Variants in EXOC6B observed in about 807,000 individuals in gnomAD.
The protein encoded by EXOC6B is exocyst complex component 6B.
A neutral mutation model predicts 113.5 loss-of-function variants in EXOC6B; 54 were observed. That is an observed-to-expected ratio of 0.48 (90% CI 0.38 to 0.60). The LOEUF (loss-of-function observed/expected upper bound fraction) is 0.60, where lower values mean the gene tolerates loss of function less well. Among genes scored for constraint, EXOC6B ranks in the 20% least tolerant of loss-of-function variants. The pLI is 0.00. For synonymous variants in EXOC6B, 357 were observed against 339.0 expected (o/e 1.05, Z -0.58); for missense variants, 797 against 977.5 (o/e 0.82, Z 2.46).
chr2:72,510,023 G>A (rs898173962), intron 11 of EXOC6B, among the ~76,000 whole-genome samples: 29 of 152,060 alleles, frequency 1.9e-4, no homozygotes, highest in Non-Finnish European at 4.0e-4. Context: ...TAGTAGAGAC[G>A]GGGTTTCACC....
rs1391543278 is a variant in EXOC6B at position 72,576,443 on chromosome 2, C to T, written c.670-775G>A. On this transcript the variant is annotated intron_variant, in intron 6 of 21. Transcript: ENST00000272427. Reference sequence around the variant, plus strand: ...TCAACAACAGAAGCATTAAACCACACATTATTAGAGCTAGAAGGTACCTTA... The same window carrying T: ...TCAACAACAGAAGCATTAAACCACATATTATTAGAGCTAGAAGGTACCTTA... 2.0e-5 allele frequency among the ~76,000 whole-genome samples: 3 copies of T among 152,154 alleles called. No homozygotes were observed. The East Asian group carries it at 5.8e-4, about 29-fold the overall frequency.
At chr2:72,605,568 T>G (rs958372988) in intron 6 of EXOC6B, among the ~76,000 whole-genome samples, 3 of 152,224 alleles carry the variant, frequency 2.0e-5, no homozygotes, top group African/African-American at 7.2e-5. Flanking sequence ...GCATTTTAAG[T>G]TCACAAAATC....
rs1214625126 is a variant in EXOC6B, at chr2:72,340,044, C to T, written c.2123-5024G>A. Among the ~76,000 whole-genome samples, 3 of 152,124 alleles carry T rather than the reference C, an allele frequency of 2.0e-5. No homozygotes were observed. In the East Asian group the frequency reaches 5.8e-4, roughly 29 times the overall value. On this transcript the variant is annotated intron_variant, in intron 19 of 21. Transcript: ENST00000272427. ...GAAGGATGCCACCCATTTCAAAGTG[C>T]TTTCTAGACTTCTTGAAGGCTGATC...
intron 20 of EXOC6B, among the ~76,000 whole-genome samples, chr2:72,307,193 G>C (rs1381957966): frequency 2.0e-5 from 2 of 101,680 alleles, no homozygotes; most frequent in African/African-American, 2.4e-4. Context: ...GTCTTGCTCT[G>C]TCGCCAGGCT....
At chr2:72,234,319 G>A (rs1028624517) in intron 20 of EXOC6B, among the ~76,000 whole-genome samples, 1 of 151,916 alleles carries the variant, frequency 6.6e-6, no homozygotes, top group Non-Finnish European at 1.5e-5. Flanking sequence ...TCCTGACCTC[G>A]TGATCCACCT....
intron 20 of EXOC6B, among the ~76,000 whole-genome samples, chr2:72,315,750 G>C (rs1473331614): frequency 6.6e-6 from 1 of 152,126 alleles, no homozygotes; most frequent in Non-Finnish European, 1.5e-5. Context: ...GCCATTAATT[G>C]AGATGAAGAG....
intron 20 of EXOC6B, among the ~76,000 whole-genome samples, chr2:72,195,289 T>C (rs898758481): frequency 1.3e-5 from 2 of 152,196 alleles, no homozygotes; most frequent in African/African-American, 2.4e-5. Context: ...TTCTCACTGA[T>C]GACAGCATCT....
chr2:72,573,523 C>G (rs540720279), intron 7 of EXOC6B, among the ~76,000 whole-genome samples: 6 of 152,296 alleles, frequency 3.9e-5, no homozygotes, highest in African/African-American at 1.4e-4. Flanking sequence ...GAAGTCCCCT[C>G]TATCTCTTTC....
intron 1 of EXOC6B, among the ~76,000 whole-genome samples, chr2:72,798,193 C>G (rs181736559): frequency 1.3e-5 from 2 of 152,106 alleles, no homozygotes; most frequent in East Asian, 3.9e-4. Flanking sequence ...AAAAGTAAAT[C>G]TGGCCATTTT....
intron 13 of EXOC6B, among the ~76,000 whole-genome samples, chr2:72,497,921 A>G (rs1048729877): frequency 4.6e-5 from 7 of 152,328 alleles, no homozygotes; most frequent in Middle Eastern, 3.4e-3. Flanking sequence ...TATTGTATGC[A>G]TGTTGCAATA....
At chr2:72,619,497 T>A (rs761057219) in intron 6 of EXOC6B, among the ~76,000 whole-genome samples, 1 of 152,038 alleles carries the variant, frequency 6.6e-6, no homozygotes, top group Non-Finnish European at 1.5e-5. Context: ...AAGTGTATTT[T>A]AAAAAGAATG....
At chr2:72,468,998 C>T (rs1482311855) in intron 17 of EXOC6B, among the ~76,000 whole-genome samples, 1 of 152,088 alleles carries the variant, frequency 6.6e-6, no homozygotes, top group Non-Finnish European at 1.5e-5. Flanking sequence ...AGTACACTGC[C>T]TCTGTACATA....
At position 72,335,004 on chromosome 2, in the gene EXOC6B, GC is replaced by G. The variant is rs1558567588; in HGVS notation, c.2138del (p.Gly713AlafsTer18). The part of the protein sequence containing the change: ...VRECEQFARS[G>X]PVPGFQEDTL... ...TGTCCTCCTGGAACCCAGGCACCGG[GC>G]CGGATCTGGCAAACTCTGTGGGAAA... On this transcript the variant is annotated frameshift_variant, in exon 20 of 22. Coordinates refer to ENST00000272427, the MANE Select transcript of EXOC6B (RefSeq NM_015189.3). LOFTEE classifies it high-confidence loss of function. 1 of 1,613,318 alleles carries G rather than the reference GC, an allele frequency of 6.2e-7. No individual in the cohort carries two copies. Among genetic ancestry groups the G allele is most frequent in the East Asian group, 2.2e-5 (1 of 44,850 alleles).
intron 6 of EXOC6B, among the ~76,000 whole-genome samples, chr2:72,700,106 T>C (rs1403809448): frequency 6.6e-6 from 1 of 152,202 alleles, no homozygotes; most frequent in Non-Finnish European, 1.5e-5. Context: ...ATTGCTTTTA[T>C]TTGTAGTATT....
intron 18 of EXOC6B, among the ~76,000 whole-genome samples, chr2:72,399,771 T>G (rs1693016082): frequency 6.6e-6 from 1 of 151,884 alleles, no homozygotes; most frequent in African/African-American, 2.4e-5. Flanking sequence ...CCAAAAAACC[T>G]TGTGTCATAG....
chr2:72,603,383 A>G (rs970010338), intron 6 of EXOC6B, among the ~76,000 whole-genome samples: 5 of 152,042 alleles, frequency 3.3e-5, no homozygotes, highest in African/African-American at 1.2e-4. Context: ...CCAGCACCTG[A>G]GAATTTTTAC....
intron 1 of EXOC6B, among the ~76,000 whole-genome samples, chr2:72,781,731 T>G (rs1036480469): frequency 4.3e-4 from 66 of 152,064 alleles, no homozygotes; most frequent in African/African-American, 1.4e-3. Flanking sequence ...TACTTGGAAG[T>G]GACTCATACG....
intron 20 of EXOC6B, among the ~76,000 whole-genome samples, chr2:72,185,590 C>A (rs76477185): frequency 1.3e-5 from 2 of 152,186 alleles, no homozygotes; most frequent in African/African-American, 4.8e-5. Flanking sequence ...TGGTCCCAAA[C>A]GGCCCCTCAG....
At chr2:72,609,818 T>C (rs1234879930) in intron 6 of EXOC6B, among the ~76,000 whole-genome samples, 1 of 152,018 alleles carries the variant, frequency 6.6e-6, no homozygotes, top group Non-Finnish European at 1.5e-5. Flanking sequence ...AGAAAAAGCC[T>C]CATACTTAGT....
Sources: gnomAD v4.1 joint callset for allele counts (sites outside exome capture counted in the v4.1 genomes callset) on GRCh38, gnomAD v4.1.1 for gene constraint, MANE v1.5 for transcripts, NCBI Gene and HGNC (gene_info 2026-07-23, HGNC 2026-07-21) for gene names.